The following STN1 variants were observed in gnomAD, a reference collection of about 807,000 sequenced individuals.
The protein encoded by STN1 is CST complex subunit STN1.
Under a neutral mutation model 45.5 loss-of-function variants are expected in STN1, and 29 were observed. The ratio of observed to expected loss-of-function variants is 0.64; its 90% CI spans 0.47 to 0.87. The LOEUF is 0.87. Ranked by LOEUF, STN1 falls within the 40% of genes least tolerant of loss-of-function variation. The pLI is 0.00. For synonymous variants in STN1, 148 were observed against 159.0 expected (o/e 0.93, Z 0.52); for missense variants, 376 against 441.4 (o/e 0.85, Z 1.33).
At chr10:103,903,915 C>T (rs1336180050) in intron 4 of STN1, among the ~76,000 whole-genome samples, 1 of 152,166 alleles carries the variant, frequency 6.6e-6, no homozygotes, top group African/African-American at 2.4e-5. Flanking sequence ...CAAAGCAATG[C>T]CATTGATTTA....
chr10:103,887,375 T>C (rs765524300), intron 9 of STN1, among the ~76,000 whole-genome samples: 2 of 152,196 alleles, frequency 1.3e-5, no homozygotes, highest in African/African-American at 2.4e-5. Context: ...AGAAAACACA[T>C]ATCCAACAGG....
chr10:103,880,032 G>A lies in STN1; in HGVS notation c.*2652C>T, dbSNP rs1029221555. Among the ~76,000 whole-genome samples the A allele has an allele frequency of 3.3e-5, 5 of 152,342 alleles. No homozygotes were observed. The highest frequency in any genetic ancestry group is 3.4e-3 in the Middle Eastern group (1 of 294). On this transcript the variant is annotated 3_prime_UTR_variant, in exon 10 of 10. Coordinates refer to ENST00000224950, the MANE Select transcript of STN1 (RefSeq NM_024928.5). Reference sequence around the variant, plus strand: ...CGCTTGACCATGCTACCTGCTGCAGGAGACGGCCCGCCCACTTCACCCGCC... The same window carrying A: ...CGCTTGACCATGCTACCTGCTGCAGAAGACGGCCCGCCCACTTCACCCGCC...
chr10:103,893,154 AC>A (rs1320623101), intron 7 of STN1, among the ~76,000 whole-genome samples: 1 of 152,096 alleles, frequency 6.6e-6, no homozygotes, highest in South Asian at 2.1e-4. Context: ...AGGGCGAACA[AC>A]AATTGCTCTT....
chr10:103,915,650 G>A (rs1238154805), intron 2 of STN1, among the ~76,000 whole-genome samples: 2 of 152,004 alleles, frequency 1.3e-5, no homozygotes, highest in African/African-American at 4.8e-5. Flanking sequence ...ATTTTATGTA[G>A]TCAAAAGTTT....
chr10:103,890,036 G>A (rs1218555284), intron 8 of STN1, among the ~76,000 whole-genome samples: 3 of 152,004 alleles, frequency 2.0e-5, no homozygotes, highest in Non-Finnish European at 4.4e-5. Flanking sequence ...CTCAGATTAA[G>A]AGGGAAGCAG....
At chr10:103,912,411 C>T (rs915249846) in intron 2 of STN1, among the ~76,000 whole-genome samples, 2 of 152,184 alleles carry the variant, frequency 1.3e-5, no homozygotes, top group Non-Finnish European at 2.9e-5. Flanking sequence ...TTTTCCATAA[C>T]ACCATTGATG....
chr10:103,900,461 C>T (rs914470186), intron 4 of STN1, among the ~76,000 whole-genome samples: 2 of 152,168 alleles, frequency 1.3e-5, no homozygotes, highest in Non-Finnish European at 2.9e-5. Context: ...TGAGGTCCAG[C>T]GGGCAAGTTC....
Position 103,914,301 on chromosome 10 carries a change from G to A in STN1, c.133+3161C>T, listed in dbSNP as rs1234158878. Among the ~76,000 whole-genome samples, 6 of 139,320 alleles carry A rather than the reference G, an allele frequency of 4.3e-5. No homozygotes were observed. In the East Asian group the frequency reaches 1.0e-3, roughly 24 times the overall value. The allele number at this position is 139,320 out of a possible 152,430, so 91.4% of individuals were successfully genotyped here. A position where few individuals can be genotyped will look rare whatever the true frequency, so the allele number is the denominator to read the frequency against. On this transcript the variant is annotated intron_variant, in intron 2 of 9. Transcript: ENST00000224950. ...TAGAGATATTTAAAACAATAAATAC[G>A]ACTTCTGTATGTTATGAGCTATTAT...
chr10:103,901,978 T>C (rs1384318834), intron 4 of STN1, among the ~76,000 whole-genome samples: 1 of 152,186 alleles, frequency 6.6e-6, no homozygotes, highest in Admixed American at 6.5e-5. Context: ...CTTATTTTGC[T>C]TTTAAATTGC....
At position 103,892,157 on chromosome 10, in the gene STN1, T is replaced by A. The variant is rs779633657; in HGVS notation, c.849A>T (p.Lys283Asn). The change falls in exon 8 of 10, where the codon AAA (lysine) becomes AAT (asparagine). Residue 283 changes from lysine (K) to asparagine (N), a missense_variant. Transcript: ENST00000224950. ...AGTATAGGTTATCAAAACCATCATC[T>A]TTCTGGAAAACAAGTCCTTTTTCCT... The part of the protein sequence containing the change: ...LLQEKGLVFQ[K>N]DDGFDNLYYV... 49 of 1,611,572 alleles carry A rather than the reference T, an allele frequency of 3.0e-5. No individual in the cohort carries two copies. The highest frequency in any genetic ancestry group is 3.6e-5 in the Non-Finnish European group (42 of 1,179,414).
intron 3 of STN1, among the ~76,000 whole-genome samples, chr10:103,909,406 ATG>A (rs1554837216): frequency 0.014 from 553 of 40,250 alleles, 77 homozygotes; most frequent in Non-Finnish European, 0.019. Context: ...ATGTATATAT[ATG>A]TATATATGTA....
At chr10:103,891,843 T>TA (rs1422973242) in intron 8 of STN1, among the ~76,000 whole-genome samples, 1 of 152,196 alleles carries the variant, frequency 6.6e-6, no homozygotes, top group Admixed American at 6.5e-5. Context: ...TACAAAAAGT[T>TA]AGCCCTCATA....
At chr10:103,902,257 C>T (rs1480776937) in intron 4 of STN1, among the ~76,000 whole-genome samples, 1 of 152,146 alleles carries the variant, frequency 6.6e-6, no homozygotes, top group Non-Finnish European at 1.5e-5. Context: ...TTCAAAAAAT[C>T]CCCAACTGCT....
rs201612020 is a variant in STN1 at position 103,892,195 on chromosome 10, T to G, written c.811A>C (p.Ile271Leu). Residue 271 changes from isoleucine (I) to leucine (L), a missense_variant, in exon 8 of 10, where the codon ATA (isoleucine) becomes CTA (leucine). Physicochemically the swap from Ile to Leu is conservative, Grantham distance 5. Coordinates refer to ENST00000224950, the MANE Select transcript of STN1 (RefSeq NM_024928.5). ...AGTCCTTTTTCCTGCAGCAGTTGTA[T>G]AGCATTCTTAAATATACTATGAATT... ...KAIHSIFKNA[I>L]QLLQEKGLVF... The G allele has an allele frequency of 8.7e-6, 14 of 1,611,904 alleles. No homozygotes were observed. The highest frequency in any genetic ancestry group is 1.0e-5 in the Non-Finnish European group (12 of 1,178,822).
Position 103,905,091 on chromosome 10 carries a change from C to T in STN1, c.295G>A (p.Ala99Thr), listed in dbSNP as rs749250079. The T allele has an allele frequency of 6.2e-7, 1 of 1,613,026 alleles. No homozygotes were observed. The highest frequency in any genetic ancestry group is 1.1e-5 in the South Asian group (1 of 91,054). ...AAAGGAATGTGGCAAATAAAATTAC[C>T]TGATACAGACTCAGTATTCAACTTT... ...WKKLNTESVS[A>T]APSAARELSL... The change falls in exon 4 of 10, where the codon GCT (alanine) becomes ACT (threonine). Residue 99 changes from alanine (A) to threonine (T), a missense_variant and splice_region_variant. Coordinates refer to ENST00000224950, the MANE Select transcript of STN1 (RefSeq NM_024928.5).
chr10:103,896,684 A>G (rs1034597619), intron 7 of STN1, among the ~76,000 whole-genome samples: 2 of 151,728 alleles, frequency 1.3e-5, no homozygotes, highest in Non-Finnish European at 2.9e-5. Context: ...AGGGTCACCC[A>G]GAGTGAGACC....
intron 2 of STN1, among the ~76,000 whole-genome samples, chr10:103,913,614 C>A (rs542065090): frequency 6.6e-6 from 1 of 152,058 alleles, no homozygotes; most frequent in Non-Finnish European, 1.5e-5. Context: ...GTGAACTATA[C>A]GTATCAGATG....
At chr10:103,905,606 C>A (rs1164934494) in intron 3 of STN1, among the ~76,000 whole-genome samples, 3 of 152,188 alleles carry the variant, frequency 2.0e-5, no homozygotes, top group Non-Finnish European at 4.4e-5. Context: ...AGGGCGCAGC[C>A]TTCTGTCACA....
intron 3 of STN1, among the ~76,000 whole-genome samples, chr10:103,908,533 T>C (rs1843259190): frequency 6.6e-6 from 1 of 152,322 alleles, no homozygotes; most frequent in African/African-American, 2.4e-5. Flanking sequence ...ACCTGGCAGA[T>C]GGCCCAAAAG....
Sources: gnomAD v4.1 joint callset for allele counts (sites outside exome capture counted in the v4.1 genomes callset) on GRCh38, gnomAD v4.1.1 for gene constraint, MANE v1.5 for transcripts, NCBI Gene and HGNC (gene_info 2026-07-23, HGNC 2026-07-21) for gene names.